Variants in TRNT1 observed in about 807,000 individuals in gnomAD.
TRNT1 encodes tRNA nucleotidyl transferase 1.
TRNT1 carries 44 observed loss-of-function variants against 45.6 expected under a neutral mutation model. The ratio of observed to expected loss-of-function variants is 0.97; its 90% CI spans 0.76 to 1.24. The LOEUF (loss-of-function observed/expected upper bound fraction) is 1.24, where lower values mean the gene tolerates loss of function less well. Ranked by LOEUF, TRNT1 falls within the 50% of genes most tolerant of loss-of-function variation. The pLI is 0.00. For synonymous variants in TRNT1, 201 were observed against 171.4 expected (o/e 1.17, Z -1.35); for missense variants, 633 against 504.4 (o/e 1.25, Z -2.44).
chr3:3,133,423 G>T (rs1159893863), intron 2 of TRNT1, among the ~76,000 whole-genome samples: 10 of 152,054 alleles, frequency 6.6e-5, no homozygotes, highest in African/African-American at 2.4e-4. Context: ...GCCAGTTACA[G>T]TGATGCACAC....
intron 2 of TRNT1, among the ~76,000 whole-genome samples, chr3:3,135,992 G>T (rs754509030): frequency 1.3e-5 from 2 of 152,146 alleles, no homozygotes; most frequent in Non-Finnish European, 2.9e-5. Flanking sequence ...GCTTTGCAGC[G>T]GGTTAGATGC....
downstream of TRNT1, chr3:3,152,486 C>T (rs573677293): frequency 4.1e-5 from 66 of 1,613,782 alleles, no homozygotes; most frequent in Middle Eastern, 5.0e-4. Flanking sequence ...TGTAGAAGGC[C>T]GGCCTATCAG....
Position 3,146,499 on chromosome 3 carries a change from T to C in TRNT1, c.678T>C (p.Asn226=). Residue 226 remains asparagine (N), a synonymous_variant, in exon 6 of 8, where the codon AAT becomes AAC. Transcript: ENST00000251607. ...AGACTTTGGAAGCAATTGCAGAAAA[T>C]GCAAAAGGCTTGGCTGGAATATCAG... ...DPETLEAIAE[N]AKGLAGISGE... 6.2e-7 allele frequency: 1 copy of C among 1,613,970 alleles called. No homozygotes were observed.
In TRNT1 at chr3:3,148,129, T is replaced by G; in HGVS notation, c.1280T>G (p.Leu427Arg). 1 of 1,613,550 alleles carries G rather than the reference T, an allele frequency of 6.2e-7. No homozygotes were observed. Among genetic ancestry groups the G allele is most frequent in the Non-Finnish European group, 8.5e-7 (1 of 1,179,714 alleles). ...GGTTACCAAATGGAAAAAGATGAAC[T>G]TCTGAGTTACATAAAGAAGACCTAA... ...KSGYQMEKDE[L>R]LSYIKKT The change falls in exon 8 of 8, where the codon CTT becomes CGT. Residue 427 changes from leucine (L) to arginine (R), a missense_variant. Transcript: ENST00000251607.
chr3:3,127,185 A>G (rs1704635930), intron 1 of TRNT1, 195 bp downstream of exon 1: 1 of 152,298 alleles, frequency 6.6e-6, no homozygotes, highest in Non-Finnish European at 1.5e-5. Context: ...GTTTCCGGCG[A>G]CCGCAGGCGC....
intron 2 of TRNT1, chr3:3,129,823 G>A (rs1704888278): frequency 6.5e-7 from 1 of 1,530,394 alleles, no homozygotes; most frequent in Non-Finnish European, 8.9e-7. Flanking sequence ...CTTTGCCTGT[G>A]TTTCTGTAAC....
intron 4 of TRNT1, among the ~76,000 whole-genome samples, chr3:3,143,791 G>C (rs1245143500): frequency 6.6e-6 from 1 of 152,186 alleles, no homozygotes; most frequent in Non-Finnish European, 1.5e-5. Context: ...CTGAACCTGG[G>C]AGGCTGCAGT....
Position 3,137,849 on chromosome 3 carries a change from C to T in TRNT1, c.342+396C>T, listed in dbSNP as rs578170588. Among the ~76,000 whole-genome samples, 8 of 152,248 alleles carry T rather than the reference C, an allele frequency of 5.3e-5. No homozygotes were observed. The South Asian group carries it at 8.3e-4, about 16-fold the overall frequency. ...TGGTTAAGTCAATATTCAGGGTTCACGTTTATGACTCTGTATTGTTTACAG... is the reference window on the plus strand; with the variant it reads ...TGGTTAAGTCAATATTCAGGGTTCATGTTTATGACTCTGTATTGTTTACAG... On this transcript the variant is annotated intron_variant, in intron 3 of 7. Coordinates refer to ENST00000251607, the MANE Select transcript of TRNT1 (RefSeq NM_182916.3).
intron 2 of TRNT1, among the ~76,000 whole-genome samples, chr3:3,135,105 G>A (rs1206843268): frequency 6.6e-6 from 1 of 152,164 alleles, no homozygotes; most frequent in Non-Finnish European, 1.5e-5. Flanking sequence ...TGTTTGCCAT[G>A]TAGACATACA....
At chr3:3,140,969 C>G (rs1285339084) in intron 4 of TRNT1, among the ~76,000 whole-genome samples, 1 of 152,076 alleles carries the variant, frequency 6.6e-6, no homozygotes, top group African/African-American at 2.4e-5. Flanking sequence ...GTAGTCCCAG[C>G]TGTTAGGCAG....
At chr3:3,136,658 C>CTTTT in intron 2 of TRNT1, 1 of 389,922 alleles carries the variant, frequency 2.6e-6, no homozygotes. Context: ...CTTTTTTTTT[C>CTTTT]TTTTTTTTTT....
intron 2 of TRNT1, chr3:3,136,732 G>A (rs1190875179): frequency 2.5e-5 from 10 of 403,364 alleles, no homozygotes; most frequent in East Asian, 2.1e-4. Flanking sequence ...ATAGCTCACC[G>A]CAGCCTTGAA....
intron 2 of TRNT1, among the ~76,000 whole-genome samples, chr3:3,135,817 A>G (rs1192618737): frequency 2.0e-5 from 3 of 152,114 alleles, no homozygotes. Flanking sequence ...CAGGGACACA[A>G]GTTGGGTTGT....
chr3:3,137,820 T>G (rs1269834150), intron 3 of TRNT1, among the ~76,000 whole-genome samples: 1 of 152,226 alleles, frequency 6.6e-6, no homozygotes, highest in Non-Finnish European at 1.5e-5. Context: ...TATATCATAA[T>G]TTTTGGTTAA....
Position 3,148,186 on chromosome 3 carries a change from T to A in TRNT1, c.*32T>A. The A allele has an allele frequency of 1.9e-6, 3 of 1,599,586 alleles. No homozygotes were observed. The highest frequency in any genetic ancestry group is 2.6e-6 in the Non-Finnish European group (3 of 1,174,112). On this transcript the variant is annotated 3_prime_UTR_variant, in exon 8 of 8. Coordinates refer to ENST00000251607, the MANE Select transcript of TRNT1 (RefSeq NM_182916.3). ...TGGCTACTAAAAAGCAGAGCATTTC[T>A]GGTAAGACTAAATTTTCTCCCCTCC... is the stretch of plus-strand genomic sequence containing the variant.
intron 5 of TRNT1, chr3:3,145,335 C>G (rs999508673): frequency 9.2e-5 from 14 of 151,976 alleles, no homozygotes; most frequent in African/African-American, 3.4e-4. Flanking sequence ...AACCCCATTT[C>G]TACTAAAAAT....
At chr3:3,146,292 G>T in intron 5 of TRNT1, 138 bp from the exon 6 acceptor site, 2 of 482,052 alleles carry the variant, frequency 4.1e-6, no homozygotes, top group East Asian at 3.4e-5. Context: ...GCTTTCTAAG[G>T]TCCCTTCTAG....
chr3:3,147,818 T>A (rs972662453), intron 7 of TRNT1, 88 bp from the exon 8 acceptor site: 1 of 1,524,222 alleles, frequency 6.6e-7, no homozygotes, highest in Admixed American at 2.2e-5. Flanking sequence ...AATGAAAAAA[T>A]TTATGTTGAG....
downstream of TRNT1, chr3:3,152,512 C>G (rs772980570): frequency 2.5e-6 from 4 of 1,614,032 alleles, no homozygotes; most frequent in South Asian, 4.4e-5. Flanking sequence ...AGTTGCAAGC[C>G]TTATACACAG....
Sources: gnomAD v4.1 joint callset for allele counts (sites outside exome capture counted in the v4.1 genomes callset) on GRCh38, gnomAD v4.1.1 for gene constraint, MANE v1.5 for transcripts, NCBI Gene and HGNC (gene_info 2026-07-23, HGNC 2026-07-21) for gene names.